The following USP48 variants were observed in gnomAD, a reference collection of about 807,000 sequenced individuals.
USP48 encodes ubiquitin carboxyl-terminal hydrolase 48.
Under a neutral mutation model 150.7 loss-of-function variants are expected in USP48, and 43 were observed. The observed-to-expected ratio is 0.29, with a 90% confidence interval of 0.22 to 0.37. USP48 has a LOEUF of 0.37. Ranked by LOEUF, USP48 falls within the 10% of genes least tolerant of loss-of-function variation. USP48 has a pLI of 1.00. For synonymous variants in USP48, 396 were observed against 425.9 expected (o/e 0.93, Z 0.86); for missense variants, 813 against 1,249.6 (o/e 0.65, Z 5.27).
intron 15 of USP48, among the ~76,000 whole-genome samples, chr1:21,712,443 T>G (rs1364790186): frequency 6.7e-6 from 1 of 149,356 alleles, no homozygotes. Context: ...ATTCAATAAT[T>G]GCCCACTATA....
At chr1:21,685,606 C>T (rs960644459) in intron 25 of USP48, among the ~76,000 whole-genome samples, 3 of 152,176 alleles carry the variant, frequency 2.0e-5, no homozygotes, top group Non-Finnish European at 2.9e-5. Context: ...TGAGCCACTG[C>T]GCCCAGCCGC....
At chr1:21,741,279 A>G (rs1374614305) in intron 8 of USP48, among the ~76,000 whole-genome samples, 4 of 152,250 alleles carry the variant, frequency 2.6e-5, no homozygotes, top group Non-Finnish European at 5.9e-5. Context: ...AAACCAAAGA[A>G]GAGGTCTTAA....
chr1:21,730,705 C>A (rs2097754620), intron 9 of USP48, among the ~76,000 whole-genome samples: 1 of 151,270 alleles, frequency 6.6e-6, no homozygotes, highest in South Asian at 2.1e-4. Context: ...AAATAAAAAT[C>A]AAGACTGATG....
chr1:21,688,310 C>T (rs1245243075), intron 24 of USP48, among the ~76,000 whole-genome samples: 1 of 151,944 alleles, frequency 6.6e-6, no homozygotes, highest in Admixed American at 6.5e-5. Context: ...CTTCCACCTC[C>T]CGAGTTCACG....
chr1:21,752,581 T>C lies in USP48; in HGVS notation c.611A>G (p.Asp204Gly), dbSNP rs754873930. 3 of 1,613,428 alleles carry C rather than the reference T, an allele frequency of 1.9e-6. No individual in the cohort carries two copies. The African/African-American group carries it at 4.0e-5, about 22-fold the overall frequency. Residue 204 changes from aspartate (D) to glycine (G), a missense_variant, in exon 5 of 27, where the codon GAT becomes GGT. Asp to Gly is a moderately conservative substitution (Grantham distance 94, BLOSUM62 -1). Coordinates refer to ENST00000308271, the MANE Select transcript of USP48 (RefSeq NM_032236.8). Reference sequence around the variant, plus strand: ...CTGCTGTTGAACAATATTGCGCACATCTGGATTCTTTTGTTTAGACAAAGT... The same window carrying C: ...CTGCTGTTGAACAATATTGCGCACACCTGGATTCTTTTGTTTAGACAAAGT... ...EDTLSKQKNP[D>G]VRNIVQQQFC...
At chr1:21,689,869 T>C (rs895577887) in intron 24 of USP48, 105 bp downstream of exon 24, 1 of 1,473,060 alleles carries the variant, frequency 6.8e-7, no homozygotes, top group Non-Finnish European at 9.2e-7. Context: ...CACTACCCTC[T>C]GCTAAAGACC....
intron 12 of USP48, among the ~76,000 whole-genome samples, chr1:21,723,288 G>A (rs1287533720): frequency 2.6e-5 from 4 of 152,002 alleles, no homozygotes; most frequent in African/African-American, 9.7e-5. Context: ...GGAGGGCGAG[G>A]TTGAGTGGAT....
rs777998008 is a variant in USP48, at chr1:21,703,519, T to C, written c.2615A>G (p.Asn872Ser). 9 of 1,611,768 alleles carry C rather than the reference T, an allele frequency of 5.6e-6. No individual in the cohort carries two copies. The highest frequency in any genetic ancestry group is 7.6e-6 in the Non-Finnish European group (9 of 1,179,272). ...ATIYVHKVVDNKKVMKDSAPE... is the reference protein window; with the variant it reads ...ATIYVHKVVDSKKVMKDSAPE... The stretch of plus-strand genomic sequence containing the variant: ...CACAAGAGGGACCAGTACCTTTTTA[T>C]TATCCACAACTTTATGGACATAGAT... The change falls in exon 21 of 27, where the codon AAT becomes AGT. Residue 872 changes from asparagine (N) to serine (S), a missense_variant. Physicochemically the swap from Asn to Ser is conservative, Grantham distance 46. Transcript: ENST00000308271.
chr1:21,757,415 CAT>C (rs1315559260), intron 2 of USP48: 17 of 325,070 alleles, frequency 5.2e-5, no homozygotes, highest in Non-Finnish European at 8.2e-5. Flanking sequence ...TTAAAGCAAA[CAT>C]AGAATCAGCA....
rs2097615763 is a variant in USP48 at position 21,694,487 on chromosome 1, T to C, written c.2883+579A>G. On this transcript the variant is annotated intron_variant, in intron 23 of 26. Transcript: ENST00000308271. ...TCAGGAGGCTGAGGCAGAGAACTGC[T>C]TGAACCCGGTAGGCGGAGGTTGCAG... Among the ~76,000 whole-genome samples the C allele has an allele frequency of 2.8e-5, 4 of 141,252 alleles. No homozygotes were observed. In the South Asian group the frequency reaches 8.8e-4, roughly 31 times the overall value. 92.7% of individuals were successfully genotyped at this position (141,252 alleles called of 152,430 possible).
In USP48 at chr1:21,758,916, A is replaced by G. The variant is rs535504564; in HGVS notation, c.135-1133T>C. Among the ~76,000 whole-genome samples the G allele has an allele frequency of 2.0e-5, 3 of 152,272 alleles. No homozygotes were observed. In the East Asian group the frequency reaches 5.8e-4, roughly 29 times the overall value. On this transcript the variant is annotated intron_variant, in intron 1 of 26. Transcript: ENST00000308271. ...GCTAGGCGTGGTGGTTCACGCCTGT[A>G]ATCCTAGCCCTTTGGGAGGCCAAGG...
In USP48 at chr1:21,752,616, T is replaced by C. The variant is rs569066594; in HGVS notation, c.576A>G (p.Leu192=). The change falls in exon 5 of 27, where the codon CTA becomes CTG. Residue 192 remains leucine (L), a synonymous_variant. Coordinates refer to ENST00000308271, the MANE Select transcript of USP48 (RefSeq NM_032236.8). ...TTTGTTTAGACAAAGTATCTTCCAA[T>C]AGAGACATAAAGAGCTTTGAAAATT... ...AQEFSKLFMS[L]LEDTLSKQKN... is the part of the protein sequence containing the mutation. The C allele has an allele frequency of 1.7e-5, 28 of 1,611,028 alleles. No individual in the cohort carries two copies. Among genetic ancestry groups the C allele is most frequent in the African/African-American group, 6.7e-5 (5 of 74,744 alleles).
Position 21,775,168 on chromosome 1 carries a change from C to T in USP48, c.134+7656G>A, listed in dbSNP as rs116657472. 7.9e-3 allele frequency among the ~76,000 whole-genome samples: 1,201 copies of T among 152,064 alleles called. 15 individuals carry two copies. The highest frequency in any genetic ancestry group is 0.027 in the African/African-American group (1,127 of 41,494). On this transcript the variant is annotated intron_variant, in intron 1 of 26. Transcript: ENST00000308271. ...GGAGTGCGGTGGCATGGTCTTGGCT[C>T]ACTGCAACCTCCACCTCCCAAGCTT...
chr1:21,776,064 A>G (rs1407376379), intron 1 of USP48, among the ~76,000 whole-genome samples: 2 of 152,214 alleles, frequency 1.3e-5, no homozygotes, highest in Non-Finnish European at 2.9e-5. Context: ...GGAAATGTAA[A>G]GAGAAACCCT....
chr1:21,704,562 G>A (rs998078599), intron 19 of USP48, 170 bp from the exon 20 acceptor site: 14 of 681,758 alleles, frequency 2.1e-5, no homozygotes, highest in Non-Finnish European at 3.1e-5. Flanking sequence ...ACAAAGGAAT[G>A]TTACCACAGC....
At chr1:21,693,586 G>A (rs1350223929) in intron 23 of USP48, among the ~76,000 whole-genome samples, 1 of 152,170 alleles carries the variant, frequency 6.6e-6, no homozygotes, top group Non-Finnish European at 1.5e-5. Context: ...GGTTATTTCT[G>A]CTGACTTCTG....
intron 14 of USP48, among the ~76,000 whole-genome samples, chr1:21,717,892 C>T (rs1228448078): frequency 6.6e-6 from 1 of 152,168 alleles, no homozygotes; most frequent in Non-Finnish European, 1.5e-5. Flanking sequence ...GCCGAGATCA[C>T]ACCACTGCAC....
At chr1:21,698,577 G>A (rs886569073) in intron 22 of USP48, among the ~76,000 whole-genome samples, 1 of 152,130 alleles carries the variant, frequency 6.6e-6, no homozygotes, top group African/African-American at 2.4e-5. Context: ...GAAAAGCAAA[G>A]CTTAAAATAA....
intron 14 of USP48, among the ~76,000 whole-genome samples, chr1:21,715,943 C>T (rs2097702965): frequency 1.3e-5 from 2 of 152,194 alleles, no homozygotes; most frequent in Non-Finnish European, 2.9e-5. Flanking sequence ...CAATGGATGC[C>T]TAAAACCTAC....
Sources: allele counts gnomAD v4.1 joint callset (sites outside exome capture counted in the v4.1 genomes callset), GRCh38; gene constraint gnomAD v4.1.1; transcripts MANE v1.5; gene names NCBI Gene and HGNC (gene_info 2026-07-23, HGNC 2026-07-21).